The following SLIT2 variants were observed in gnomAD, a reference collection of about 807,000 sequenced individuals.
SLIT2 encodes slit guidance ligand 2.
A neutral mutation model predicts 185.7 loss-of-function variants in SLIT2; 41 were observed. The ratio of observed to expected loss-of-function variants is 0.22; its 90% CI spans 0.17 to 0.29. The LOEUF is 0.29. SLIT2 is among the 10% of genes least tolerant of loss of function. The probability of loss-of-function intolerance (pLI) is 1.00; values close to 1 mark genes in which losing one functional copy is unlikely to be tolerated. For synonymous variants in SLIT2, 693 were observed against 680.2 expected, an observed-to-expected ratio of 1.02 and a Z score of -0.29; for missense variants, 1,571 against 1,909.0, an observed-to-expected ratio of 0.82 and a Z score of 3.30.
chr4:20,592,845 A>G (rs1315954792), intron 30 of SLIT2, among the ~76,000 whole-genome samples: 1 of 152,182 alleles, frequency 6.6e-6, no homozygotes, highest in Admixed American at 6.5e-5. Flanking sequence ...ATGATTTAGC[A>G]TTAAAACCAA....
chr4:20,351,716 A>G (rs979527081), intron 4 of SLIT2, among the ~76,000 whole-genome samples: 2 of 152,182 alleles, frequency 1.3e-5, no homozygotes, highest in African/African-American at 4.8e-5. Flanking sequence ...GTGGGACAGT[A>G]TGAAAGGAAG....
At chr4:20,503,570 T>C (rs529475965) in intron 9 of SLIT2, among the ~76,000 whole-genome samples, 25 of 103,302 alleles carry the variant, frequency 2.4e-4, no homozygotes, top group East Asian at 1.6e-3. Flanking sequence ...CCATTTTTTT[T>C]CCCCGAGTCT....
intron 29 of SLIT2, among the ~76,000 whole-genome samples, chr4:20,584,044 A>C (rs1178010869): frequency 1.3e-5 from 2 of 152,078 alleles, no homozygotes; most frequent in Non-Finnish European, 2.9e-5. Context: ...GTTATTTTGT[A>C]CAGCTAAGTG....
chr4:20,494,542 C>T lies in SLIT2; in HGVS notation c.914+2643C>T, dbSNP rs371485668. On this transcript the variant is annotated intron_variant, in intron 9 of 36. Transcript: ENST00000504154. ...CTGTAATCCCAGCACTTTGGGAGGC[C>T]GAGGCAGGCAGATCATGAGGTCAGG... is the stretch of plus-strand genomic sequence containing the variant. 2.8e-4 allele frequency among the ~76,000 whole-genome samples: 43 copies of T among 152,042 alleles called. No individual in the cohort carries two copies. The East Asian group carries it at 3.9e-3, about 14-fold the overall frequency.
intron 9 of SLIT2, among the ~76,000 whole-genome samples, chr4:20,497,288 T>G (rs1267018567): frequency 6.6e-6 from 1 of 151,988 alleles, no homozygotes; most frequent in Non-Finnish European, 1.5e-5. Context: ...CTCAAAAAAC[T>G]TAGAAATTTT....
chr4:20,523,729 A>C (rs1238720623), intron 12 of SLIT2, 31 bp from the exon 13 acceptor site: 1 of 1,603,636 alleles, frequency 6.2e-7, no homozygotes, highest in Non-Finnish European at 8.5e-7. Context: ...AAGATGCTAC[A>C]CTTTAATTCT....
intron 16 of SLIT2, among the ~76,000 whole-genome samples, chr4:20,530,177 A>G (rs1054007706): frequency 1.3e-5 from 2 of 152,050 alleles, no homozygotes; most frequent in Non-Finnish European, 2.9e-5. Context: ...GAGTCCATGC[A>G]ACCAAGGCCC....
At chr4:20,286,987 C>T (rs1272118891) in intron 4 of SLIT2, among the ~76,000 whole-genome samples, 2 of 152,202 alleles carry the variant, frequency 1.3e-5, no homozygotes, top group Non-Finnish European at 2.9e-5. Context: ...ATCCCACTTA[C>T]TAGCCCACCT....
intron 1 of SLIT2, among the ~76,000 whole-genome samples, chr4:20,255,485 C>T (rs908680462): frequency 5.3e-5 from 8 of 152,070 alleles, no homozygotes; most frequent in Non-Finnish European, 8.8e-5. Flanking sequence ...CGTGTTATAT[C>T]GAATAGCCCA....
At chr4:20,292,127 A>G (rs955839213) in intron 4 of SLIT2, among the ~76,000 whole-genome samples, 17 of 152,180 alleles carry the variant, frequency 1.1e-4, no homozygotes, top group African/African-American at 3.9e-4. Context: ...CTCCTTTCAG[A>G]TGAGTAGTTT....
chr4:20,501,874 A>G (rs1718764941), intron 9 of SLIT2, among the ~76,000 whole-genome samples: 1 of 152,216 alleles, frequency 6.6e-6, no homozygotes, highest in Non-Finnish European at 1.5e-5. Flanking sequence ...AGAATAGTAG[A>G]AAAATTATCT....
At chr4:20,411,521 T>C (rs1001998165) in intron 4 of SLIT2, among the ~76,000 whole-genome samples, 1 of 152,218 alleles carries the variant, frequency 6.6e-6, no homozygotes, top group African/African-American at 2.4e-5. Flanking sequence ...CTCTAGAATC[T>C]TGCTGCATTT....
chr4:20,360,329 C>A (rs771989226), intron 4 of SLIT2, among the ~76,000 whole-genome samples: 1 of 152,012 alleles, frequency 6.6e-6, no homozygotes, highest in Non-Finnish European at 1.5e-5. Flanking sequence ...AGAGGTAAGT[C>A]GTTTGTCATT....
In SLIT2 at chr4:20,618,769, A is replaced by C. The variant is rs1268149760; in HGVS notation, c.4350A>C (p.Glu1450Asp). Reference sequence around the variant, plus strand: ...CTTGTGCTTTTTGTTCTTTTCTAGAAATCTCTTGTCGAGGGGAAAGGATAA... The same window carrying C: ...CTTGTGCTTTTTGTTCTTTTCTAGACATCTCTTGTCGAGGGGAAAGGATAA... ...SGYTGDSCDR[E>D]ISCRGERIRD... The change falls in exon 37 of 37, where the codon GAA becomes GAC. Residue 1450 changes from glutamate to aspartate, a missense_variant and splice_region_variant. Coordinates refer to ENST00000504154, the MANE Select transcript of SLIT2 (RefSeq NM_004787.4). 6.3e-7 allele frequency: 1 copy of C among 1,580,004 alleles called. No individual in the cohort carries two copies. The highest frequency in any genetic ancestry group is 2.3e-5 in the East Asian group (1 of 44,008).
At chr4:20,552,603 A>G (rs1723868368) in intron 25 of SLIT2, 1 of 152,068 alleles carries the variant, frequency 6.6e-6, no homozygotes. Flanking sequence ...CTCATTTTTA[A>G]TTTGGAAGGG....
chr4:20,262,171 T>G (rs1284847884), intron 3 of SLIT2, among the ~76,000 whole-genome samples: 2 of 151,856 alleles, frequency 1.3e-5, no homozygotes, highest in Non-Finnish European at 1.5e-5. Context: ...GAGCCTACAT[T>G]TGACTAAACA....
intron 3 of SLIT2, among the ~76,000 whole-genome samples, chr4:20,266,134 C>T (rs1350260449): frequency 2.0e-5 from 3 of 151,220 alleles, no homozygotes; most frequent in Non-Finnish European, 3.0e-5. Flanking sequence ...CTATTAGTTA[C>T]ACAGTGAATT....
At chr4:20,381,775 C>T (rs914684771) in intron 4 of SLIT2, among the ~76,000 whole-genome samples, 1 of 151,946 alleles carries the variant, frequency 6.6e-6, no homozygotes, top group South Asian at 2.1e-4. Context: ...AATGTCAAGT[C>T]TACACAGATT....
At chr4:20,591,637 TGTAG>T (rs1727522722) in intron 30 of SLIT2, among the ~76,000 whole-genome samples, 1 of 151,736 alleles carries the variant, frequency 6.6e-6, no homozygotes, top group African/African-American at 2.4e-5. Flanking sequence ...AACCAAACAC[TGTAG>T]GTAAGTTGTT....
Sources: gnomAD v4.1 joint callset for allele counts (sites outside exome capture counted in the v4.1 genomes callset) on GRCh38, gnomAD v4.1.1 for gene constraint, MANE v1.5 for transcripts, NCBI Gene and HGNC (gene_info 2026-07-23, HGNC 2026-07-21) for gene names.